The following AXIN1 variants were observed in gnomAD, a reference collection of about 807,000 sequenced individuals.
The protein encoded by AXIN1 is axin-1.
In AXIN1, 30 loss-of-function variants were observed where a neutral mutation model predicts 76.4. The ratio of observed to expected loss-of-function variants is 0.39; its 90% confidence interval spans 0.29 to 0.53. AXIN1 has a LOEUF of 0.53. Ranked by LOEUF, AXIN1 falls within the 20% of genes least tolerant of loss-of-function variation. The pLI is 0.66. For missense variants in AXIN1, 1,140 were observed against 1,198.8 expected (o/e 0.95, Z 0.72); for synonymous variants, 545 against 501.4 (o/e 1.09, Z -1.16).
In AXIN1 at chr16:309,999, C is replaced by G. The variant is rs1207683443; in HGVS notation, c.1090G>C (p.Gly364Arg). 1 of 1,613,398 alleles carries G rather than the reference C, an allele frequency of 6.2e-7. No individual in the cohort carries two copies. The highest frequency in any genetic ancestry group is 1.3e-5 in the African/African-American group (1 of 74,956). ...GGAATGTGAGGTAGGGGCACCCGCC[C>G]ATTGACCTGCACGCTCTCCTGCATC... is the stretch of plus-strand genomic sequence containing the variant. ...REMQESVQVN[G>R]RVPLPHIPRT... Residue 364 changes from glycine (G) to arginine (R), a missense_variant, in exon 4 of 11, where the codon GGG (glycine) becomes CGG (arginine). Gly to Arg is a moderately radical substitution (Grantham distance 125). Transcript: ENST00000262320.
chr16:347,147 G>T, intron 1 of AXIN1, 41 bp from the exon 2 acceptor site: 1 of 1,564,626 alleles, frequency 6.4e-7, no homozygotes. Context: ...GGAAAGGTGG[G>T]TCCATGAAAC....
intron 2 of AXIN1, among the ~76,000 whole-genome samples, chr16:320,091 G>GC (rs969617745): frequency 6.6e-6 from 1 of 152,116 alleles, no homozygotes; most frequent in Non-Finnish European, 1.5e-5. Context: ...AGAACCGACA[G>GC]CCCCCCACAC....
At chr16:309,275 A>C (rs2053110418) in intron 4 of AXIN1, among the ~76,000 whole-genome samples, 1 of 149,218 alleles carries the variant, frequency 6.7e-6, no homozygotes, top group African/African-American at 2.5e-5. Context: ...GCTTGCAGTG[A>C]CAGCAAAACT....
At chr16:315,182 C>T (rs936935896) in intron 2 of AXIN1, among the ~76,000 whole-genome samples, 9 of 152,148 alleles carry the variant, frequency 5.9e-5, no homozygotes, top group African/African-American at 2.2e-4. Flanking sequence ...ACCTCCTGTC[C>T]CCCTACCTAG....
rs1024008534 is a variant in AXIN1 at position 287,834 on chromosome 16, G to T, written c.*288C>A. ...AAGGGAGGTGCCGGGGGATGGGGGG[G>T]GGTCACCTGAAGCTGGCAGCAGGGA... On this transcript the variant is annotated 3_prime_UTR_variant, in exon 11 of 11. Transcript: ENST00000262320. 2 of 528,366 alleles carry T rather than the reference G, an allele frequency of 3.8e-6. No homozygotes were observed. The highest frequency in any genetic ancestry group is 6.9e-6 in the Non-Finnish European group (2 of 289,800). The allele number at this position is 528,366 out of a possible 1,614,324, so 32.7% of individuals were successfully genotyped here. A position where few individuals can be genotyped will look rare whatever the true frequency, so the allele number is the denominator to read the frequency against.
chr16:295,126 T>C (rs1164162786), intron 7 of AXIN1, among the ~76,000 whole-genome samples: 1 of 151,144 alleles, frequency 6.6e-6, no homozygotes, highest in Non-Finnish European at 1.5e-5. Context: ...GAGACAGAGT[T>C]TTGCTCTTGT....
chr16:309,055 G>A (rs2053102246), intron 4 of AXIN1, among the ~76,000 whole-genome samples: 2 of 152,196 alleles, frequency 1.3e-5, no homozygotes, highest in African/African-American at 4.8e-5. Flanking sequence ...ACAGTGCGTT[G>A]CGCAGTGGCT....
chr16:313,605 C>G (rs2141588490), intron 3 of AXIN1, among the ~76,000 whole-genome samples: 1 of 152,360 alleles, frequency 6.6e-6, no homozygotes, highest in South Asian at 2.1e-4. Flanking sequence ...GGCTCGGCCC[C>G]AGCCCTGGCT....
At position 287,890 on chromosome 16, in the gene AXIN1, C is replaced by G; in HGVS notation, c.*232G>C. On this transcript the variant is annotated 3_prime_UTR_variant, in exon 11 of 11. Transcript: ENST00000262320. The stretch of plus-strand genomic sequence containing the variant: ...GCTGCCTCACTTGGGCTGGGCCCTC[C>G]AAGTATTGCTATGAGGAGTGGTCCA... 1.5e-6 allele frequency: 1 copy of G among 648,320 alleles called. No homozygotes were observed. Among genetic ancestry groups the G allele is most frequent in the Non-Finnish European group, 2.6e-6 (1 of 377,476 alleles). The allele number at this position is 648,320 out of a possible 1,614,324, so 40.2% of individuals were successfully genotyped here.
At chr16:307,823 G>A (rs1469897349) in intron 4 of AXIN1, among the ~76,000 whole-genome samples, 2 of 152,222 alleles carry the variant, frequency 1.3e-5, no homozygotes, top group Non-Finnish European at 2.9e-5. Flanking sequence ...CGTCCTGCTA[G>A]CTTATCGGCT....
chr16:303,383 G>T (rs1037096718), intron 5 of AXIN1, among the ~76,000 whole-genome samples: 11 of 151,154 alleles, frequency 7.3e-5, no homozygotes, highest in Admixed American at 6.6e-4. Context: ...TGCGGGAAGT[G>T]ATTTTTTTTT....
chr16:295,542 C>G (rs1239657010), intron 7 of AXIN1, among the ~76,000 whole-genome samples: 1 of 151,132 alleles, frequency 6.6e-6, no homozygotes. Flanking sequence ...CAGAGGGAGA[C>G]TCTGTCGCAA....
chr16:351,979 C>T (rs1460409609), intron 1 of AXIN1, among the ~76,000 whole-genome samples: 1 of 152,164 alleles, frequency 6.6e-6, no homozygotes, highest in African/African-American at 2.4e-5. Context: ...GTACGGACGC[C>T]GGAGCACGCG....
intron 2 of AXIN1, 144 bp downstream of exon 2, chr16:346,004 A>G: frequency 1.3e-6 from 1 of 778,656 alleles, no homozygotes; most frequent in Non-Finnish European, 2.1e-6. Context: ...AAGTATCACA[A>G]ATAAGAACAG....
In AXIN1 at chr16:293,871, A is replaced by C. The variant is rs2052636442; in HGVS notation, c.1956-153T>G. ...CCACCAAGCCACATGGACGTCCTCCACAGACCACACAATAAAAACATCCCG... is the reference window on the plus strand; with the variant it reads ...CCACCAAGCCACATGGACGTCCTCCCCAGACCACACAATAAAAACATCCCG... On this transcript the variant is annotated intron_variant, in intron 7 of 10. Transcript: ENST00000262320. This position sits in a 1 kb window ranked among gnomAD's most constrained non-coding sequence, Gnocchi z 4.6. 6.6e-6 allele frequency among the ~76,000 whole-genome samples: 1 copy of C among 152,190 alleles called. No individual in the cohort carries two copies. The highest frequency in any genetic ancestry group is 2.1e-4 in the South Asian group (1 of 4,836).
chr16:351,096 G>C (rs9921342), intron 1 of AXIN1, among the ~76,000 whole-genome samples: 36,462 of 149,124 alleles, frequency 0.24, 4,604 homozygotes, highest in South Asian at 0.31. Flanking sequence ...CACGCCATTG[G>C]ACTCCAGCCT....
chr16:320,523 G>A lies in AXIN1; in HGVS notation c.879-5840C>T, dbSNP rs533469224. Reference sequence around the variant, plus strand: ...GGTTTCATGGAGAAATTTAGAAACAGGTCAAGCTTCACAGCATCCCTCCAC... The same window carrying A: ...GGTTTCATGGAGAAATTTAGAAACAAGTCAAGCTTCACAGCATCCCTCCAC... On this transcript the variant is annotated intron_variant, in intron 2 of 10. Coordinates refer to ENST00000262320, the MANE Select transcript of AXIN1 (RefSeq NM_003502.4). Among the ~76,000 whole-genome samples the A allele has an allele frequency of 2.0e-5, 3 of 152,154 alleles. No homozygotes were observed. In the East Asian group the frequency reaches 5.8e-4, roughly 29 times the overall value.
intron 2 of AXIN1, among the ~76,000 whole-genome samples, chr16:328,554 G>C (rs2053627715): frequency 6.6e-6 from 1 of 151,968 alleles, no homozygotes; most frequent in African/African-American, 2.4e-5. Flanking sequence ...AAATTAGCCA[G>C]GCGTGGTGGC....
rs116234849 is a variant in AXIN1 at position 309,955 on chromosome 16, C to T, written c.1116+18G>A. ...GCGGGGAGGACGATGGGCTGAGGAC[C>T]GCAAAGCCGGTACTTACGGGAATGT... On this transcript the variant is annotated intron_variant, in intron 4 of 10. Transcript: ENST00000262320. The T allele has an allele frequency of 4.0e-3, 6,522 of 1,612,116 alleles. 214 individuals carry two copies. The African/African-American group carries it at 0.077, about 19-fold the overall frequency.
Sources: gnomAD v4.1 joint callset for allele counts (sites outside exome capture counted in the v4.1 genomes callset) on GRCh38, gnomAD v4.1.1 for gene constraint, Gnocchi (gnomAD v3.1) non-coding constraint, MANE v1.5 for transcripts, NCBI Gene and HGNC (gene_info 2026-07-23, HGNC 2026-07-21) for gene names.